PAH: variants seen among roughly 807,000 people sequenced by gnomAD.
The protein encoded by PAH is phenylalanine-4-hydroxylase.
PAH carries 64 observed loss-of-function variants against 62.0 expected under a neutral mutation model. That is an observed-to-expected ratio of 1.03 (90% CI 0.84 to 1.27). PAH has a LOEUF of 1.27. Ranked by LOEUF, PAH falls within the 50% of genes most tolerant of loss-of-function variation. The pLI is 0.00. For missense variants in PAH, 579 were observed against 542.8 expected (o/e 1.07, Z -0.66); for synonymous variants, 195 against 196.2 (o/e 0.99, Z 0.05).
intron 1 of PAH, chr12:102,945,877 C>G (rs1009111816): frequency 2.6e-5 from 4 of 152,126 alleles, no homozygotes; most frequent in Non-Finnish European, 4.4e-5. Flanking sequence ...AGTCTCTCCT[C>G]ATAGCCACCA....
chr12:102,920,905 C>CTTG (rs1878534835), upstream of PAH, among the ~76,000 whole-genome samples: 1 of 110,306 alleles, frequency 9.1e-6, no homozygotes, highest in Non-Finnish European at 1.8e-5. Context: ...ATTTGCCACA[C>CTTG]TTGACTTCTT....
Position 102,856,775 on chromosome 12 carries a change from G to A in PAH, c.510-1443C>T, listed in dbSNP as rs11838076. ...CAACAGATCTGCAGCTGAGGGTCCT[G>A]ACTGTTAGAAGGAAAACTAACAAAC... On this transcript the variant is annotated intron_variant, in intron 5 of 12. Transcript: ENST00000553106. 9.3e-3 allele frequency among the ~76,000 whole-genome samples: 1,424 copies of A among 152,328 alleles called. 15 individuals are homozygous for A. The highest frequency in any genetic ancestry group is 0.041 in the South Asian group (200 of 4,822).
chr12:102,884,570 G>A (rs1041614711), intron 3 of PAH, among the ~76,000 whole-genome samples: 5 of 152,202 alleles, frequency 3.3e-5, no homozygotes, highest in African/African-American at 1.2e-4. Context: ...TGGGCAAGGT[G>A]CTGAGCACTT....
chr12:102,913,143 A>G (rs543754507), intron 1 of PAH, among the ~76,000 whole-genome samples: 13 of 152,222 alleles, frequency 8.5e-5, no homozygotes, highest in Non-Finnish European at 1.8e-4. Flanking sequence ...TTATTCATTG[A>G]TGTCACCATT....
intron 1 of PAH, 151 bp from the exon 2 acceptor site, chr12:102,913,049 A>G: frequency 1.5e-6 from 1 of 647,448 alleles, no homozygotes; most frequent in East Asian, 2.8e-5. Flanking sequence ...AGAAATATGT[A>G]GTGTGGTGGA....
chr12:102,858,742 G>A (rs1231940700), intron 5 of PAH, among the ~76,000 whole-genome samples: 1 of 152,184 alleles, frequency 6.6e-6, no homozygotes, highest in Non-Finnish European at 1.5e-5. Flanking sequence ...ATAACGAAAT[G>A]AAGGCAGAGA....
At chr12:102,933,134 T>G (rs1878979552) in intron 1 of PAH, among the ~76,000 whole-genome samples, 1 of 152,180 alleles carries the variant, frequency 6.6e-6, no homozygotes, top group Non-Finnish European at 1.5e-5. Flanking sequence ...CACACTATCC[T>G]TCTCAGCCTC....
chr12:102,855,273 A>T lies in PAH; in HGVS notation c.569T>A (p.Val190Glu). ...ATACAAGGACTTCAGAGTCTTGAAC[A>T]CTGTGCCCCATGTTTTCTTTTCTTC... Reference protein sequence around the residue: ...MEEEKKTWGTVFKTLKSLYKT... With the variant: ...MEEEKKTWGTEFKTLKSLYKT... The change falls in exon 6 of 13, where the codon GTG becomes GAG. Residue 190 changes from valine (V) to glutamate (E), a missense_variant. Val to Glu is a moderately radical substitution (Grantham distance 121). Coordinates refer to ENST00000553106, the MANE Select transcript of PAH (RefSeq NM_000277.3). 1 of 1,614,112 alleles carries T rather than the reference A, an allele frequency of 6.2e-7. No individual in the cohort carries two copies. The highest frequency in any genetic ancestry group is 8.5e-7 in the Non-Finnish European group (1 of 1,179,962).
At chr12:102,912,925 A>C in intron 1 of PAH, 27 bp from the exon 2 acceptor site, 1 of 1,478,998 alleles carries the variant, frequency 6.8e-7, no homozygotes, top group Non-Finnish European at 9.5e-7. Flanking sequence ...ATTTGTTTAA[A>C]ACATTTTCCA....
Position 102,904,636 on chromosome 12 carries a change from A to G in PAH, c.168+8155T>C, listed in dbSNP as rs186988880. 6.3e-5 allele frequency: 20 copies of G among 316,288 alleles called. No homozygotes were observed. The East Asian group carries it at 1.0e-3, about 16-fold the overall frequency. The allele number at this position is 316,288 out of a possible 1,614,324, so 19.6% of individuals were successfully genotyped here. On this transcript the variant is annotated intron_variant, in intron 2 of 12. Coordinates refer to ENST00000553106, the MANE Select transcript of PAH (RefSeq NM_000277.3). ...AATATTATTTGGGAAACACTGCTCT[A>G]AAGTATAGTCTAGATTATTTCATTT... is the stretch of plus-strand genomic sequence containing the variant.
At chr12:102,864,498 G>A (rs1051253259) in intron 5 of PAH, among the ~76,000 whole-genome samples, 17 of 152,068 alleles carry the variant, frequency 1.1e-4, no homozygotes, top group African/African-American at 3.1e-4. Context: ...TAACCCTGCC[G>A]CTTCCTAACT....
At chr12:102,942,692 A>G (rs1879338489) in intron 1 of PAH, among the ~76,000 whole-genome samples, 1 of 152,206 alleles carries the variant, frequency 6.6e-6, no homozygotes, top group Admixed American at 6.5e-5. Context: ...TAACCAAAAC[A>G]GCATGGTACT....
At chr12:102,886,399 T>A (rs1315207347) in intron 3 of PAH, among the ~76,000 whole-genome samples, 1 of 152,242 alleles carries the variant, frequency 6.6e-6, no homozygotes, top group Non-Finnish European at 1.5e-5. Flanking sequence ...GGGCTATTTA[T>A]TCCAACCACC....
chr12:102,939,167 G>A (rs578261233), intron 1 of PAH, among the ~76,000 whole-genome samples: 1 of 151,892 alleles, frequency 6.6e-6, no homozygotes, highest in Non-Finnish European at 1.5e-5. Flanking sequence ...CCCACCTCCA[G>A]CTGAACATTT....
intron 3 of PAH, among the ~76,000 whole-genome samples, chr12:102,889,707 G>C (rs192535906): frequency 6.6e-6 from 1 of 152,194 alleles, no homozygotes; most frequent in Admixed American, 6.5e-5. Flanking sequence ...TCTGCTCTTG[G>C]AAAATAACTG....
intron 3 of PAH, among the ~76,000 whole-genome samples, chr12:102,888,873 C>T (rs943346137): frequency 6.6e-6 from 1 of 152,090 alleles, no homozygotes; most frequent in Non-Finnish European, 1.5e-5. Context: ...TGGTCTCCTG[C>T]AGACACAGAG....
chr12:102,917,310 C>T (rs984884674), upstream of PAH: 3 of 654,888 alleles, frequency 4.6e-6, no homozygotes, highest in Admixed American at 2.1e-5. Flanking sequence ...GTTGTCCTGA[C>T]GCAGGAGGCC....
intron 1 of PAH, among the ~76,000 whole-genome samples, chr12:102,922,711 G>C (rs944612445): frequency 3.9e-5 from 6 of 152,136 alleles, no homozygotes; most frequent in Non-Finnish European, 1.5e-5. Context: ...AACTTTGTAT[G>C]TATCATTTTA....
chr12:102,858,680 C>T (rs1236398118), intron 5 of PAH, among the ~76,000 whole-genome samples: 1 of 152,120 alleles, frequency 6.6e-6, no homozygotes, highest in Admixed American at 6.5e-5. Flanking sequence ...CACTCAAAAC[C>T]ACTCAACTAC....
Sources: gnomAD v4.1 joint callset for allele counts (sites outside exome capture counted in the v4.1 genomes callset) on GRCh38, gnomAD v4.1.1 for gene constraint, MANE v1.5 for transcripts, NCBI Gene and HGNC (gene_info 2026-07-23, HGNC 2026-07-21) for gene names.